MYBPC2: variants seen among roughly 807,000 people sequenced by gnomAD.
MYBPC2 encodes the protein myosin-binding protein C, fast-type.
In MYBPC2, 122 loss-of-function variants were observed where a neutral mutation model predicts 137.0. That is an observed-to-expected ratio of 0.89 (90% confidence interval 0.77 to 1.03). The LOEUF is 1.03. Among genes scored for constraint, MYBPC2 ranks in the 50% least tolerant of loss-of-function variants. The probability of loss-of-function intolerance (pLI) is 0.00; values close to 1 mark genes in which losing one functional copy is unlikely to be tolerated. For synonymous variants in MYBPC2, 626 were observed against 612.3 expected (o/e 1.02, Z -0.33); for missense variants, 1,500 against 1,534.4 (o/e 0.98, Z 0.37).
chr19:50,441,923 T>A (rs1392963863), intron 8 of MYBPC2, among the ~76,000 whole-genome samples: 1 of 152,192 alleles, frequency 6.6e-6, no homozygotes, highest in Admixed American at 6.5e-5. Flanking sequence ...TTCTTCTACC[T>A]AACACTGGCT....
At chr19:50,434,348 C>A (rs1186593942) in intron 1 of MYBPC2, among the ~76,000 whole-genome samples, 1 of 152,148 alleles carries the variant, frequency 6.6e-6, no homozygotes, top group Non-Finnish European at 1.5e-5. Flanking sequence ...CGGAGCGAGA[C>A]CCTGCTGGGA....
chr19:50,455,313 C>T lies in MYBPC2; in HGVS notation c.2203+17C>T. On this transcript the variant is annotated intron_variant, in intron 19 of 27. Transcript: ENST00000357701. ...TGCCTATTGGTAATGTCCTCCCTCA[C>T]TTTTATGCCTATTGGTAATGATGGA... 6.2e-7 allele frequency: 1 copy of T among 1,609,310 alleles called. No individual in the cohort carries two copies. Among genetic ancestry groups the T allele is most frequent in the South Asian group, 1.1e-5 (1 of 90,648 alleles).
intron 9 of MYBPC2, among the ~76,000 whole-genome samples, chr19:50,442,517 C>T: frequency 6.6e-6 from 1 of 152,058 alleles, no homozygotes; most frequent in East Asian, 1.9e-4. Flanking sequence ...GGGTTCGAGA[C>T]CAGCCTGGCT....
chr19:50,447,721 G>C (rs1268396961), intron 12 of MYBPC2, among the ~76,000 whole-genome samples: 1 of 152,154 alleles, frequency 6.6e-6, no homozygotes, highest in East Asian at 1.9e-4. Context: ...GCCAGGCGTG[G>C]TGGTGCATGC....
rs766989888 is a variant in MYBPC2 at position 50,435,840 on chromosome 19, G to A, written c.174G>A (p.Pro58=). Reference sequence around the variant, plus strand: ...CCACCGGCGTTTTCCTGAAGAAGCCGGACTCCGTCTCAGTGGAGACTGGTG... The same window carrying A: ...CCACCGGCGTTTTCCTGAAGAAGCCAGACTCCGTCTCAGTGGAGACTGGTG... ...EEPTGVFLKK[P]DSVSVETGKD... Residue 58 remains proline (P), a synonymous_variant, in exon 3 of 28, where the codon CCG becomes CCA. Transcript: ENST00000357701. This position sits in a 1 kb window ranked among gnomAD's most constrained non-coding sequence, Gnocchi z 4.8. 40 of 1,603,084 alleles carry A rather than the reference G, an allele frequency of 2.5e-5. No homozygotes were observed. The Middle Eastern group carries it at 6.6e-4, about 26-fold the overall frequency.
In MYBPC2 at chr19:50,455,481, C is replaced by T. The variant is rs1360158031; in HGVS notation, c.2204-29C>T. 3 of 1,606,572 alleles carry T rather than the reference C, an allele frequency of 1.9e-6. No individual in the cohort carries two copies. The South Asian group carries it at 3.3e-5, about 18-fold the overall frequency. ...GCTGACCCCTGACCCCTCATTCCCC[C>T]CATATCCTCTTTTTCTGGATGCTTG... On this transcript the variant is annotated intron_variant, in intron 19 of 27. Transcript: ENST00000357701.
chr19:50,439,481 C>T (rs528249911), intron 7 of MYBPC2, among the ~76,000 whole-genome samples: 1 of 152,168 alleles, frequency 6.6e-6, no homozygotes, highest in East Asian at 1.9e-4. Context: ...TCCATGCATT[C>T]ACTCACTCTC....
chr19:50,436,722 A>G lies in MYBPC2; in HGVS notation c.451A>G (p.Ile151Val), dbSNP rs1007765893. ...CACCTGTGACAGCTGTGGCTTCAAC[A>G]TCGATGTGGAGGGTATGCTGGTGGG... ...KDTCDSCGFN[I>V]DVEAPRQDAS... Residue 151 changes from isoleucine (I) to valine (V), a missense_variant, in exon 5 of 28, where the codon ATC (isoleucine) becomes GTC (valine). Transcript: ENST00000357701. The G allele has an allele frequency of 6.2e-7, 1 of 1,613,628 alleles. No homozygotes were observed. Among genetic ancestry groups the G allele is most frequent in the African/African-American group, 1.3e-5 (1 of 74,868 alleles).
rs761928141 is a variant in MYBPC2 at position 50,455,196 on chromosome 19, C to A, written c.2103C>A (p.Thr701=). ...TCACAGAGACCACCTATGAGTCCACCAAGATGATCGAGGGCATCCTCTATG... is the reference window on the plus strand; with the variant it reads ...TCACAGAGACCACCTATGAGTCCACAAAGATGATCGAGGGCATCCTCTATG... ...EVFTETTYES[T]KMIEGILYEM... is the part of the protein sequence containing the mutation. The change falls in exon 19 of 28, where the codon ACC becomes ACA. Residue 701 remains threonine, a synonymous_variant. Transcript: ENST00000357701. The A allele has an allele frequency of 1.2e-4, 199 of 1,613,930 alleles. No individual in the cohort carries two copies. Among genetic ancestry groups the A allele is most frequent in the South Asian group, 1.1e-3 (97 of 91,070 alleles).
Position 50,441,008 on chromosome 19 carries a change from G to A in MYBPC2, c.701G>A (p.Gly234Asp), listed in dbSNP as rs1425474848. The A allele has an allele frequency of 6.2e-7, 1 of 1,611,752 alleles. No individual in the cohort carries two copies. Among genetic ancestry groups the A allele is most frequent in the South Asian group, 1.1e-5 (1 of 90,596 alleles). Residue 234 changes from glycine to aspartate, a missense_variant, in exon 8 of 28, where the codon GGC becomes GAC. Gly to Asp is a moderately conservative substitution (Grantham distance 94). Transcript: ENST00000357701. ...TACGAGAAAATCGCCTTCCAGTATGGCATCACCGACCTCCGGGGCATGCTG... is the reference window on the plus strand; with the variant it reads ...TACGAGAAAATCGCCTTCCAGTATGACATCACCGACCTCCGGGGCATGCTG... Reference protein sequence around the residue: ...SEYEKIAFQYGITDLRGMLKR... With the variant: ...SEYEKIAFQYDITDLRGMLKR...
chr19:50,464,770 A>G (rs1005118497), intron 27 of MYBPC2, among the ~76,000 whole-genome samples: 1 of 152,168 alleles, frequency 6.6e-6, no homozygotes, highest in African/African-American at 2.4e-5. Context: ...GTTGAAGGAC[A>G]AGGAAGAGGA....
intron 5 of MYBPC2, among the ~76,000 whole-genome samples, chr19:50,437,223 G>T (rs759925722): frequency 4.0e-4 from 61 of 152,146 alleles, no homozygotes; most frequent in Non-Finnish European, 7.8e-4. Flanking sequence ...CCAGGCCTGG[G>T]GAGAAAGACA....
intron 11 of MYBPC2, among the ~76,000 whole-genome samples, chr19:50,444,290 T>TCATC (rs66680495): frequency 0.098 from 11,500 of 117,646 alleles, 521 homozygotes; most frequent in Middle Eastern, 0.17. Context: ...GTCCATCCAT[T>TCATC]CATCCATCCA....
chr19:50,443,927 C>T, intron 11 of MYBPC2, 111 bp downstream of exon 11: 2 of 979,712 alleles, frequency 2.0e-6, no homozygotes, highest in South Asian at 1.7e-5. Context: ...CTGACCTTTA[C>T]TCAGTAGTCA....
intron 9 of MYBPC2, among the ~76,000 whole-genome samples, chr19:50,442,751 A>G (rs2039767889): frequency 6.6e-6 from 1 of 151,962 alleles, no homozygotes; most frequent in African/African-American, 2.4e-5. Context: ...CAACAAACAC[A>G]TCACAAGACA....
chr19:50,441,612 C>G (rs537147900), intron 8 of MYBPC2, among the ~76,000 whole-genome samples: 1 of 151,872 alleles, frequency 6.6e-6, no homozygotes, highest in African/African-American at 2.4e-5. Context: ...GGCTGAGGTG[C>G]GCAGATCACC....
At chr19:50,437,812 C>T (rs1351043416) in intron 7 of MYBPC2, 94 bp downstream of exon 7, 1 of 1,358,666 alleles carries the variant, frequency 7.4e-7, no homozygotes, top group Non-Finnish European at 1.0e-6. Context: ...CTCCTGGACC[C>T]ACTGCTTATC....
intron 20 of MYBPC2, among the ~76,000 whole-genome samples, chr19:50,457,358 C>T (rs1468448283): frequency 6.6e-6 from 1 of 152,142 alleles, no homozygotes; most frequent in Non-Finnish European, 1.5e-5. Flanking sequence ...CAGCCCATGG[C>T]CATAAACCCA....
intron 13 of MYBPC2, among the ~76,000 whole-genome samples, chr19:50,448,712 A>G (rs147119719): frequency 4.6e-4 from 69 of 150,568 alleles, no homozygotes; most frequent in African/African-American, 1.6e-3. Flanking sequence ...CACCTGCCTC[A>G]GCCTCCCAAA....
Sources: gnomAD v4.1 joint callset for allele counts (sites outside exome capture counted in the v4.1 genomes callset) on GRCh38, gnomAD v4.1.1 for gene constraint, Gnocchi (gnomAD v3.1) non-coding constraint, MANE v1.5 for transcripts, NCBI Gene and HGNC (gene_info 2026-07-23, HGNC 2026-07-21) for gene names.